Variants in SPSB4 observed in about 807,000 individuals in gnomAD.
The protein encoded by SPSB4 is splA/ryanodine receptor domain and SOCS box containing 4.
Under a neutral mutation model 20.9 loss-of-function variants are expected in SPSB4, and 21 were observed. That is an observed-to-expected ratio of 1.01 (90% CI 0.71 to 1.45). SPSB4 has a LOEUF of 1.45. Among genes scored for constraint, SPSB4 ranks in the 40% most tolerant of loss-of-function variants. The pLI is 0.00. For missense variants in SPSB4, 399 were observed against 399.2 expected (o/e 1.00, Z 0.00); for synonymous variants, 207 against 183.8 (o/e 1.13, Z -1.02).
intron 1 of SPSB4, among the ~76,000 whole-genome samples, chr3:141,059,942 C>T (rs1440460523): frequency 6.6e-6 from 1 of 152,250 alleles, no homozygotes; most frequent in African/African-American, 2.4e-5. Context: ...GTCCAACAGA[C>T]AGGTGGGGAT....
At chr3:141,099,608 ATTTC>A (rs1217729899) in intron 2 of SPSB4, among the ~76,000 whole-genome samples, 8 of 152,204 alleles carry the variant, frequency 5.3e-5, no homozygotes, top group Admixed American at 5.2e-4. Flanking sequence ...CTCAGAAAAG[ATTTC>A]TTTGTTAACC....
At chr3:141,092,713 A>G (rs529452590) in intron 2 of SPSB4, among the ~76,000 whole-genome samples, 1 of 152,328 alleles carries the variant, frequency 6.6e-6, no homozygotes, top group African/African-American at 2.4e-5. Context: ...AGGCCGGGTG[A>G]GCAGCCTGGG....
intron 2 of SPSB4, among the ~76,000 whole-genome samples, chr3:141,086,144 T>C (rs1938334022): frequency 6.6e-6 from 1 of 152,236 alleles, no homozygotes; most frequent in Non-Finnish European, 1.5e-5. Context: ...TGAGCCATTT[T>C]ATTTTCACAC....
rs1395639385 is a variant in SPSB4 at position 141,147,875 on chromosome 3, A to G, written c.*606A>G. 6.5e-6 allele frequency: 1 copy of G among 152,872 alleles called. No homozygotes were observed. The highest frequency in any genetic ancestry group is 2.4e-5 in the African/African-American group (1 of 41,434). 9.5% of individuals were successfully genotyped at this position (152,872 alleles called of 1,614,324 possible). A position where few individuals can be genotyped will look rare whatever the true frequency, so the allele number is the denominator to read the frequency against. ...GCAGTGTGGAGACACCTTCCGGCTT[A>G]CCTCTTTGAACGTTGTTTACCTACC... On this transcript the variant is annotated 3_prime_UTR_variant, in exon 3 of 3. Transcript: ENST00000310546.
chr3:141,129,859 G>C (rs994354428), intron 2 of SPSB4, among the ~76,000 whole-genome samples: 13 of 152,360 alleles, frequency 8.5e-5, no homozygotes, highest in African/African-American at 3.1e-4. Context: ...ACACTCCTCT[G>C]CACAAGAAGT....
At chr3:141,102,803 GC>G (rs998689834) in intron 2 of SPSB4, among the ~76,000 whole-genome samples, 1 of 152,166 alleles carries the variant, frequency 6.6e-6, no homozygotes, top group African/African-American at 2.4e-5. Flanking sequence ...CCTTTGAGAT[GC>G]CTGGAGGTCA....
In SPSB4 at chr3:141,105,257, C is replaced by T. The variant is rs114010852; in HGVS notation, c.694+38459C>T. On this transcript the variant is annotated intron_variant, in intron 2 of 2. Transcript: ENST00000310546. ...GTGCGTGGTGAAACGGGATGTTACA[C>T]ACTGAAGTTGAAAAGCATCCGCCTT... 9.7e-3 allele frequency among the ~76,000 whole-genome samples: 1,479 copies of T among 152,298 alleles called. 29 individuals are homozygous for T. Among genetic ancestry groups the T allele is most frequent in the African/African-American group, 0.034 (1,420 of 41,554 alleles).
chr3:141,060,930 AT>A (rs1276969618), intron 1 of SPSB4, among the ~76,000 whole-genome samples: 1 of 152,116 alleles, frequency 6.6e-6, no homozygotes. Context: ...ATCTTTTCAT[AT>A]TTTGTACTTG....
At chr3:141,093,823 C>T (rs75351459) in intron 2 of SPSB4, among the ~76,000 whole-genome samples, 3,135 of 152,300 alleles carry the variant, frequency 0.021, 54 homozygotes, top group Non-Finnish European at 0.032. Context: ...TCCAGCCCTC[C>T]AGAGCCTGAG....
chr3:141,076,921 T>C (rs1432458270), intron 2 of SPSB4: 1 of 152,082 alleles, frequency 6.6e-6, no homozygotes, highest in African/African-American at 2.4e-5. Context: ...TGGGTGGTGC[T>C]GGGAAAGCAT....
At chr3:141,117,462 G>A (rs1308587691) in intron 2 of SPSB4, among the ~76,000 whole-genome samples, 1 of 152,110 alleles carries the variant, frequency 6.6e-6, no homozygotes, top group Non-Finnish European at 1.5e-5. Context: ...AGTTTGGTTG[G>A]GGCCACCTAG....
chr3:141,065,986 G>A lies in SPSB4; in HGVS notation c.-119G>A. The A allele has an allele frequency of 1.1e-6, 1 of 921,448 alleles. No individual in the cohort carries two copies. Among genetic ancestry groups the A allele is most frequent in the Non-Finnish European group, 1.5e-6 (1 of 653,818 alleles). 57.1% of individuals were successfully genotyped at this position (921,448 alleles called of 1,614,324 possible). ...CCCCTGCCGCAGCCCGGTAGAGGCTGTGGAGGTCTACCGTCCGGAAGCCTG... is the reference window on the plus strand; with the variant it reads ...CCCCTGCCGCAGCCCGGTAGAGGCTATGGAGGTCTACCGTCCGGAAGCCTG... On this transcript the variant is annotated 5_prime_UTR_variant, in exon 2 of 3. In the 5' UTR this introduces an upstream ATG that the reference lacks. Coordinates refer to ENST00000310546, the MANE Select transcript of SPSB4 (RefSeq NM_080862.3).
intron 2 of SPSB4, among the ~76,000 whole-genome samples, chr3:141,127,740 G>A (rs1398420919): frequency 6.6e-6 from 1 of 152,206 alleles, no homozygotes; most frequent in Non-Finnish European, 1.5e-5. Context: ...GAGAAGGAAG[G>A]CGAGGCCACT....
At chr3:141,070,062 G>A (rs1937967459) in intron 2 of SPSB4, among the ~76,000 whole-genome samples, 1 of 152,144 alleles carries the variant, frequency 6.6e-6, no homozygotes, top group Non-Finnish European at 1.5e-5. Flanking sequence ...TTGCTACACT[G>A]TGGAGTGAAA....
chr3:141,120,968 C>A (rs1395660886), intron 2 of SPSB4, among the ~76,000 whole-genome samples: 1 of 151,112 alleles, frequency 6.6e-6, no homozygotes, highest in Non-Finnish European at 1.5e-5. Flanking sequence ...TGTTAGCTGG[C>A]TATTTTGCTC....
chr3:141,144,828 C>T (rs1282235784), intron 2 of SPSB4, among the ~76,000 whole-genome samples: 8 of 152,158 alleles, frequency 5.3e-5, no homozygotes, highest in East Asian at 1.9e-4. Context: ...GCATTTTGGG[C>T]GTTGAATACC....
intron 2 of SPSB4, among the ~76,000 whole-genome samples, chr3:141,098,798 G>A (rs1168214591): frequency 6.6e-6 from 1 of 152,302 alleles, no homozygotes; most frequent in Non-Finnish European, 1.5e-5. Context: ...TGGTGTTGGT[G>A]GGTGTCTTAG....
intron 1 of SPSB4, among the ~76,000 whole-genome samples, chr3:141,054,647 T>C (rs1372344482): frequency 2.0e-5 from 3 of 152,224 alleles, no homozygotes; most frequent in Non-Finnish European, 1.5e-5. Flanking sequence ...TGATTTTTGC[T>C]TCACACATTG....
intron 2 of SPSB4, among the ~76,000 whole-genome samples, chr3:141,070,315 G>T (rs77703118): frequency 8.5e-4 from 130 of 152,068 alleles, no homozygotes; most frequent in African/African-American, 3.1e-3. Context: ...TCTTTTTGTT[G>T]TTGTTGTTGT....
Sources: gnomAD v4.1 joint callset for allele counts (sites outside exome capture counted in the v4.1 genomes callset) on GRCh38, gnomAD v4.1.1 for gene constraint, MANE v1.5 for transcripts, NCBI Gene and HGNC (gene_info 2026-07-23, HGNC 2026-07-21) for gene names.